The following ULK2 variants were observed in gnomAD, a reference collection of about 807,000 sequenced individuals.
ULK2 encodes the protein serine/threonine-protein kinase ULK2.
A neutral mutation model predicts 127.5 loss-of-function variants in ULK2; 76 were observed. The observed-to-expected ratio is 0.60, with a 90% CI of 0.50 to 0.72. The LOEUF (loss-of-function observed/expected upper bound fraction) is 0.72. Among genes scored for constraint, ULK2 ranks in the 30% least tolerant of loss-of-function variants. ULK2 has a pLI of 0.00. For synonymous variants in ULK2, 452 were observed against 461.9 expected, an observed-to-expected ratio of 0.98 and a Z score of 0.28; for missense variants, 1,144 against 1,295.9, an observed-to-expected ratio of 0.88 and a Z score of 1.80.
Position 19,801,821 on chromosome 17 carries a change from C to T in ULK2, c.1397G>A (p.Arg466Lys). Residue 466 changes from arginine (R) to lysine (K), a missense_variant, in exon 16 of 27, where the codon AGG becomes AAG. Physicochemically the swap from Arg to Lys is conservative, Grantham distance 26 (BLOSUM62 2). Around this residue, in one of 2 missense-constraint regions of ULK2, gnomAD observed 913 missense variants for 970.5 expected, o/e 0.94. Coordinates refer to ENST00000395544, the MANE Select transcript of ULK2 (RefSeq NM_014683.4). Reference sequence around the variant, plus strand: ...AGGCCTAGAAGACCCAGTGGAGAGCCTTCGTCCAACTGTCTGTGCTGTGTC... The same window carrying T: ...AGGCCTAGAAGACCCAGTGGAGAGCTTTCGTCCAACTGTCTGTGCTGTGTC... The part of the protein sequence containing the change: ...PADTAQTVGR[R>K]LSTGSSRPYS... 1 of 1,614,192 alleles carries T rather than the reference C, an allele frequency of 6.2e-7. No individual in the cohort carries two copies. Among genetic ancestry groups the T allele is most frequent in the Non-Finnish European group, 8.5e-7 (1 of 1,180,026 alleles).
intron 20 of ULK2, among the ~76,000 whole-genome samples, chr17:19,793,946 T>C (rs2087211289): frequency 1.3e-5 from 2 of 152,126 alleles, no homozygotes; most frequent in African/African-American, 4.8e-5. Flanking sequence ...ATAATTAATA[T>C]ACTAAGGGCT....
intron 10 of ULK2, among the ~76,000 whole-genome samples, chr17:19,830,517 ATT>A (rs962769848): frequency 2.2e-4 from 33 of 152,118 alleles, no homozygotes; most frequent in African/African-American, 7.5e-4. Flanking sequence ...ATTTTAAAAG[ATT>A]GTAATCACGG....
chr17:19,841,307 A>G (rs1271833144), intron 9 of ULK2, among the ~76,000 whole-genome samples, 182 bp downstream of exon 9: 1 of 152,172 alleles, frequency 6.6e-6, no homozygotes, highest in African/African-American at 2.4e-5. Context: ...AAAGAAAGAA[A>G]AGAGTACAGC....
intron 17 of ULK2, among the ~76,000 whole-genome samples, chr17:19,798,205 C>T (rs981846157): frequency 2.0e-5 from 3 of 152,056 alleles, no homozygotes; most frequent in African/African-American, 7.3e-5. Context: ...AGATAACAGA[C>T]CTTTCTGAGA....
intron 3 of ULK2, among the ~76,000 whole-genome samples, chr17:19,859,356 A>C (rs910402274): frequency 1.2e-4 from 19 of 152,066 alleles, no homozygotes; most frequent in Non-Finnish European, 2.1e-4. Flanking sequence ...TCTACTAAAA[A>C]TACAAAAACA....
chr17:19,797,393 A>C lies in ULK2; in HGVS notation c.1809+3T>G, dbSNP rs1265243907. 6.2e-7 allele frequency: 1 copy of C among 1,610,210 alleles called. No individual in the cohort carries two copies. Among genetic ancestry groups the C allele is most frequent in the South Asian group, 1.1e-5 (1 of 90,484 alleles). On this transcript the variant is annotated splice_donor_region_variant and intron_variant, in intron 18 of 26. Coordinates refer to ENST00000395544, the MANE Select transcript of ULK2 (RefSeq NM_014683.4). ...GACCTACAAAAGGGTTTAATAAACA[A>C]ACCTTAGTAGGAGAGCCAATGATTG...
intron 20 of ULK2, among the ~76,000 whole-genome samples, chr17:19,792,489 G>A (rs924783199): frequency 6.6e-6 from 1 of 152,164 alleles, no homozygotes; most frequent in Non-Finnish European, 1.5e-5. Flanking sequence ...CCTTGAACTT[G>A]GACTTTCAGC....
chr17:19,805,550 T>G (rs1297355076), intron 14 of ULK2, among the ~76,000 whole-genome samples: 2 of 152,166 alleles, frequency 1.3e-5, no homozygotes, highest in South Asian at 4.1e-4. Context: ...TTTCCCAATA[T>G]CCATTCAGCC....
At chr17:19,778,290 C>T (rs754465449) in intron 25 of ULK2, among the ~76,000 whole-genome samples, 2 of 152,204 alleles carry the variant, frequency 1.3e-5, no homozygotes, top group African/African-American at 4.8e-5. Flanking sequence ...AAGGCACACA[C>T]GGTGTTACAG....
chr17:19,799,901 A>T (rs2087359921), intron 16 of ULK2, among the ~76,000 whole-genome samples: 1 of 152,232 alleles, frequency 6.6e-6, no homozygotes, highest in African/African-American at 2.4e-5. Flanking sequence ...GGGCTTGTGG[A>T]GCTGCAGGGC....
At chr17:19,838,675 A>G (rs1186419380) in intron 9 of ULK2, 92 bp from the exon 10 acceptor site, 1 of 1,045,406 alleles carries the variant, frequency 9.6e-7, no homozygotes, top group Non-Finnish European at 1.4e-6. Flanking sequence ...TAAAACGTGT[A>G]TGCGGTTTCA....
chr17:19,859,413 G>A (rs938959047), intron 3 of ULK2, among the ~76,000 whole-genome samples: 1 of 152,114 alleles, frequency 6.6e-6, no homozygotes, highest in Non-Finnish European at 1.5e-5. Context: ...CAGCTACTTG[G>A]GAGGCTGAGG....
chr17:19,852,409 T>G (rs540510854), intron 3 of ULK2, among the ~76,000 whole-genome samples: 2 of 129,676 alleles, frequency 1.5e-5, no homozygotes, highest in African/African-American at 5.9e-5. Flanking sequence ...TAGCCCCAGC[T>G]ACTTGGGAGG....
At chr17:19,779,860 C>T (rs1349988609) in intron 25 of ULK2, among the ~76,000 whole-genome samples, 1 of 152,052 alleles carries the variant, frequency 6.6e-6, no homozygotes, top group Non-Finnish European at 1.5e-5. Flanking sequence ...CCTGCTAATG[C>T]TTTTAGATGC....
In ULK2 at chr17:19,808,022, C is replaced by G. The variant is rs552738589; in HGVS notation, c.1157+2356G>C. ...CCTGGAGGCTGAGGCAGGAGAATTG[C>G]TTGAACCTGGGAGGCGGAGGCTGCA... On this transcript the variant is annotated intron_variant, in intron 14 of 26. Transcript: ENST00000395544. Among the ~76,000 whole-genome samples the G allele has an allele frequency of 6.6e-4, 100 of 152,272 alleles. 1 individual carries two copies. The highest frequency in any genetic ancestry group is 2.4e-3 in the African/African-American group (99 of 41,550).
intron 3 of ULK2, among the ~76,000 whole-genome samples, chr17:19,853,906 T>C (rs1332361017): frequency 6.6e-6 from 1 of 152,182 alleles, no homozygotes; most frequent in African/African-American, 2.4e-5. Context: ...CCATGAGTGA[T>C]AGGATTTCAA....
intron 20 of ULK2, 77 bp from the exon 21 acceptor site, chr17:19,786,163 C>A (rs994951815): frequency 7.1e-7 from 1 of 1,407,998 alleles, no homozygotes; most frequent in African/African-American, 1.5e-5. Context: ...CAGGGGGATA[C>A]TGACTTTTAT....
rs555650344 is a variant in ULK2, at chr17:19,782,130, G to C, written c.2461-63C>G. 73 of 1,490,228 alleles carry C rather than the reference G, an allele frequency of 4.9e-5. No individual in the cohort carries two copies. The Middle Eastern group carries it at 8.7e-4, about 18-fold the overall frequency. The allele number at this position is 1,490,228 out of a possible 1,614,324, so 92.3% of individuals were successfully genotyped here. ...TAAAAATACGTACATACTCATTTCT[G>C]TACATAAACCATGGCCGCTGATCAT... On this transcript the variant is annotated intron_variant, in intron 22 of 26. Coordinates refer to ENST00000395544, the MANE Select transcript of ULK2 (RefSeq NM_014683.4).
chr17:19,797,941 C>T (rs1208296190), intron 17 of ULK2, among the ~76,000 whole-genome samples: 1 of 152,066 alleles, frequency 6.6e-6, no homozygotes. Flanking sequence ...TAGCAAATAA[C>T]TCAGATTAAT....
Sources: gnomAD v4.1 joint callset for allele counts (sites outside exome capture counted in the v4.1 genomes callset) on GRCh38, gnomAD v4.1.1 for gene constraint, gnomAD v4.1.1 regional missense constraint, MANE v1.5 for transcripts, NCBI Gene and HGNC (gene_info 2026-07-23, HGNC 2026-07-21) for gene names.